Variants in PCDHGA4 observed in about 807,000 individuals in gnomAD.
PCDHGA4 encodes the protein protocadherin gamma subfamily A, 4.
In PCDHGA4, 38 loss-of-function variants were observed where a neutral mutation model predicts 54.6. That is an observed-to-expected ratio of 0.70 (90% CI 0.54 to 0.91). PCDHGA4 has a LOEUF of 0.91. Among genes scored for constraint, PCDHGA4 ranks in the 40% least tolerant of loss-of-function variants. PCDHGA4 has a pLI of 0.00. For synonymous variants in PCDHGA4, 511 were observed against 512.9 expected (o/e 1.00, Z 0.05); for missense variants, 1,298 against 1,220.9 (o/e 1.06, Z -0.94).
intron 1 of PCDHGA4, among the ~76,000 whole-genome samples, chr5:141,456,544 G>C (rs1020609068): frequency 6.6e-6 from 1 of 152,192 alleles, no homozygotes; most frequent in Non-Finnish European, 1.5e-5. Context: ...AGGGATTGTA[G>C]CCACTCGGGG....
At chr5:141,508,681 C>T (rs970069) in intron 3 of PCDHGA4, among the ~76,000 whole-genome samples, 26,289 of 151,984 alleles carry the variant, frequency 0.17, 2,539 homozygotes, top group Admixed American at 0.29. Flanking sequence ...CTCCCTTCTC[C>T]CTGCTTCTCC....
chr5:141,360,130 C>T lies in PCDHGA4; in HGVS notation c.2514+2509C>T, dbSNP rs769543573. On this transcript the variant is annotated intron_variant, in intron 1 of 3. Transcript: ENST00000571252. ...CTATGGGCAAAGGAGCAAAGGGAGCCAGAAGATGAAAGCGAGCTCAGGGAG... is the reference window on the plus strand; with the variant it reads ...CTATGGGCAAAGGAGCAAAGGGAGCTAGAAGATGAAAGCGAGCTCAGGGAG... 2.5e-6 allele frequency: 4 copies of T among 1,588,304 alleles called. No homozygotes were observed. In the Admixed American group the frequency reaches 7.0e-5, roughly 28 times the overall value.
chr5:141,414,330 G>A (rs1472752550), intron 1 of PCDHGA4: 2 of 1,613,714 alleles, frequency 1.2e-6, no homozygotes, highest in Non-Finnish European at 1.7e-6. Flanking sequence ...AGAATGGACA[G>A]GTAACCTGTT....
chr5:141,469,868 C>T (rs749624047), intron 1 of PCDHGA4, among the ~76,000 whole-genome samples: 6 of 152,228 alleles, frequency 3.9e-5, no homozygotes, highest in Non-Finnish European at 7.3e-5. Flanking sequence ...CAATGGCTCA[C>T]GCCTGTAATC....
intron 2 of PCDHGA4, 141 bp downstream of exon 2, chr5:141,495,006 G>A (rs1030195663): frequency 1.3e-6 from 2 of 1,521,564 alleles, no homozygotes; most frequent in Non-Finnish European, 1.8e-6. Flanking sequence ...CTTGGTGTGC[G>A]GGGGGCTGGC....
chr5:141,411,568 AG>A (rs2095500132), intron 1 of PCDHGA4: 1 of 152,232 alleles, frequency 6.6e-6, no homozygotes, highest in South Asian at 2.1e-4. Context: ...TGGGCGACAG[AG>A]TGCGACCCTG....
At chr5:141,427,603 T>G in intron 1 of PCDHGA4, 2 of 681,440 alleles carry the variant, frequency 2.9e-6, no homozygotes, top group East Asian at 2.8e-5. Flanking sequence ...ACCCTACGCA[T>G]TGGTGAAGTC....
At chr5:141,402,639 A>C (rs886333954) in intron 1 of PCDHGA4, among the ~76,000 whole-genome samples, 2 of 152,250 alleles carry the variant, frequency 1.3e-5, no homozygotes. Flanking sequence ...ATCTAAAATC[A>C]TAATTAGAAG....
chr5:141,362,803 A>C (rs148727944), intron 1 of PCDHGA4, among the ~76,000 whole-genome samples: 2 of 152,166 alleles, frequency 1.3e-5, no homozygotes, highest in African/African-American at 4.8e-5. Context: ...TCATCTTTAC[A>C]TTACTTCTCT....
At chr5:141,492,506 C>T (rs2154587372) in intron 1 of PCDHGA4, among the ~76,000 whole-genome samples, 2 of 152,318 alleles carry the variant, frequency 1.3e-5, no homozygotes, top group South Asian at 4.1e-4. Context: ...ACTCCGGAGC[C>T]TCCTCTCACC....
chr5:141,421,782 C>A, intron 1 of PCDHGA4: 1 of 1,613,878 alleles, frequency 6.2e-7, no homozygotes, highest in Non-Finnish European at 8.5e-7. Context: ...AACTGCGGGG[C>A]AGAACGGATG....
rs747159210 is a variant in PCDHGA4, at chr5:141,511,184, A to C, written c.*11A>C. 1.2e-5 allele frequency: 19 copies of C among 1,613,876 alleles called. No homozygotes were observed. In the Admixed American group the frequency reaches 3.2e-4, roughly 27 times the overall value. ...AAGGAGAAGAAGTAACATGGAGGCC[A>C]GGCCAAGAGCCACAGGGCGGCCTCT... is the stretch of plus-strand genomic sequence containing the variant. On this transcript the variant is annotated 3_prime_UTR_variant, in exon 4 of 4. Transcript: ENST00000571252.
chr5:141,454,874 C>A (rs1002727777), intron 1 of PCDHGA4, among the ~76,000 whole-genome samples: 4 of 123,066 alleles, frequency 3.3e-5, no homozygotes, highest in African/African-American at 1.2e-4. Flanking sequence ...GTGGCACGAT[C>A]TTGGCTCACT....
In PCDHGA4 at chr5:141,394,672, G is replaced by A. The variant is rs1407775660; in HGVS notation, c.2514+37051G>A. 4 of 1,612,088 alleles carry A rather than the reference G, an allele frequency of 2.5e-6. No individual in the cohort carries two copies. In the African/African-American group the frequency reaches 5.4e-5, roughly 22 times the overall value. On this transcript the variant is annotated intron_variant, in intron 1 of 3. Transcript: ENST00000571252. Reference sequence around the variant, plus strand: ...AGCGAGCCGGGACTCTTCTCGGTGGGTCTGCACACGGGCGAGGTGCGCACG... The same window carrying A: ...AGCGAGCCGGGACTCTTCTCGGTGGATCTGCACACGGGCGAGGTGCGCACG...
Position 141,485,337 on chromosome 5 carries a change from A to G in PCDHGA4, c.2515-9470A>G, listed in dbSNP as rs147409155. On this transcript the variant is annotated intron_variant, in intron 1 of 3. Transcript: ENST00000571252. The surrounding 1 kb of genome is among the most constrained non-coding windows in gnomAD (Gnocchi z 5.7). ...AATGTCGCTCAAGATTTCCTGCTGG[A>G]TACGGACAGTCTGTCAGCTCGCAGG... 4.3e-5 allele frequency: 70 copies of G among 1,614,012 alleles called. No individual in the cohort carries two copies. Among genetic ancestry groups the G allele is most frequent in the Non-Finnish European group, 5.7e-5 (67 of 1,180,016 alleles).
intron 1 of PCDHGA4, among the ~76,000 whole-genome samples, chr5:141,430,064 A>T (rs1482609618): frequency 6.6e-6 from 1 of 152,190 alleles, no homozygotes; most frequent in Non-Finnish European, 1.5e-5. Flanking sequence ...TATCATTTTT[A>T]GGTTTCCATA....
chr5:141,426,317 C>A, intron 1 of PCDHGA4: 1 of 173,952 alleles, frequency 5.7e-6, no homozygotes, highest in African/African-American at 2.4e-5. Flanking sequence ...AGAAGCAGGA[C>A]CCGGCAGTGG....
intron 1 of PCDHGA4, chr5:141,376,616 G>C: frequency 7.1e-7 from 1 of 1,413,872 alleles, no homozygotes; most frequent in Non-Finnish European, 9.6e-7. Flanking sequence ...AACCTCTTTT[G>C]GTACAGGAAG....
chr5:141,458,698 T>C (rs1258294275), intron 1 of PCDHGA4, among the ~76,000 whole-genome samples: 1 of 152,054 alleles, frequency 6.6e-6, no homozygotes, highest in East Asian at 1.9e-4. Context: ...GCCTCCCGAG[T>C]AGCTGGGATT....
Sources: gnomAD v4.1 joint callset for allele counts (sites outside exome capture counted in the v4.1 genomes callset) on GRCh38, gnomAD v4.1.1 for gene constraint, Gnocchi (gnomAD v3.1) non-coding constraint, MANE v1.5 for transcripts, NCBI Gene and HGNC (gene_info 2026-07-23, HGNC 2026-07-21) for gene names.